The following SNTG1 variants were observed in gnomAD, a reference collection of about 807,000 sequenced individuals.
SNTG1 encodes gamma-1-syntrophin.
A neutral mutation model predicts 74.7 loss-of-function variants in SNTG1; 39 were observed. The ratio of observed to expected loss-of-function variants is 0.52; its 90% CI spans 0.40 to 0.68. SNTG1 has a LOEUF of 0.68. Among genes scored for constraint, SNTG1 ranks in the 30% least tolerant of loss-of-function variants. The pLI is 0.00. For synonymous variants in SNTG1, 254 were observed against 217.1 expected, an observed-to-expected ratio of 1.17 and a Z score of -1.49; for missense variants, 685 against 609.5, an observed-to-expected ratio of 1.12 and a Z score of -1.30.
At chr8:50,385,394 A>G (rs2092558293) in intron 2 of SNTG1, among the ~76,000 whole-genome samples, 1 of 152,224 alleles carries the variant, frequency 6.6e-6, no homozygotes, top group African/African-American at 2.4e-5. Context: ...TTAGAAGGGT[A>G]TCTCAACTGA....
chr8:50,040,982 C>T (rs910530178), intron 1 of SNTG1, among the ~76,000 whole-genome samples: 9 of 152,060 alleles, frequency 5.9e-5, no homozygotes, highest in African/African-American at 1.4e-4. Context: ...CTGCAACCCC[C>T]GCCTCCCAGG....
chr8:49,973,528 A>T (rs924388971), intron 1 of SNTG1, among the ~76,000 whole-genome samples: 4 of 152,090 alleles, frequency 2.6e-5, no homozygotes, highest in African/African-American at 9.7e-5. Flanking sequence ...AAAAAAAAAA[A>T]AGAAAAGAGT....
chr8:50,455,912 G>A, intron 8 of SNTG1, among the ~76,000 whole-genome samples: 1 of 152,132 alleles, frequency 6.6e-6, no homozygotes, highest in East Asian at 1.9e-4. Context: ...ACTGCCTTAA[G>A]AATTCTAACC....
At chr8:50,557,532 C>A (rs529905438) in intron 12 of SNTG1, among the ~76,000 whole-genome samples, 1 of 152,304 alleles carries the variant, frequency 6.6e-6, no homozygotes, top group Non-Finnish European at 1.5e-5. Context: ...GAAGCCTTGT[C>A]TCTTCCAGCC....
intron 18 of SNTG1, among the ~76,000 whole-genome samples, chr8:50,756,148 T>C (rs917715387): frequency 6.6e-6 from 1 of 151,900 alleles, no homozygotes; most frequent in African/African-American, 2.4e-5. Context: ...ATATTTTCCT[T>C]AGCATCTTTT....
At chr8:50,398,229 A>G (rs947884574) in intron 3 of SNTG1, among the ~76,000 whole-genome samples, 2 of 152,246 alleles carry the variant, frequency 1.3e-5, no homozygotes, top group Non-Finnish European at 2.9e-5. Flanking sequence ...AACACATAAC[A>G]GTGAACATAT....
intron 1 of SNTG1, among the ~76,000 whole-genome samples, chr8:50,101,776 T>C (rs1474290197): frequency 2.6e-5 from 4 of 152,006 alleles, no homozygotes. Flanking sequence ...TTCTCATTGT[T>C]CAATTCCCAC....
At chr8:50,213,098 T>C (rs193040903) in intron 2 of SNTG1, among the ~76,000 whole-genome samples, 4 of 152,220 alleles carry the variant, frequency 2.6e-5, no homozygotes, top group Non-Finnish European at 5.9e-5. Flanking sequence ...ATCTTCCCTA[T>C]GAAAGAGTAG....
chr8:50,328,266 C>T (rs2090830397), intron 2 of SNTG1, among the ~76,000 whole-genome samples: 2 of 152,128 alleles, frequency 1.3e-5, no homozygotes, highest in South Asian at 4.1e-4. Flanking sequence ...AAAATTTTAG[C>T]TTTCACTTTT....
chr8:50,662,657 G>GA (rs1418016657), intron 15 of SNTG1, among the ~76,000 whole-genome samples: 5 of 152,118 alleles, frequency 3.3e-5, no homozygotes, highest in Non-Finnish European at 7.4e-5. Context: ...GATAATTTGG[G>GA]AAAAAAGATG....
At chr8:50,487,509 T>A (rs2093807469) in intron 8 of SNTG1, among the ~76,000 whole-genome samples, 1 of 152,136 alleles carries the variant, frequency 6.6e-6, no homozygotes, top group Non-Finnish European at 1.5e-5. Flanking sequence ...TATGCAGCCA[T>A]AAAAAATGAT....
At chr8:50,126,696 A>G (rs1207047119) in intron 1 of SNTG1, among the ~76,000 whole-genome samples, 1 of 152,084 alleles carries the variant, frequency 6.6e-6, no homozygotes, top group African/African-American at 2.4e-5. Flanking sequence ...TCAAGATCAT[A>G]TTGTAGAGGA....
At chr8:50,565,527 T>C (rs1415693058) in intron 12 of SNTG1, among the ~76,000 whole-genome samples, 1 of 152,092 alleles carries the variant, frequency 6.6e-6, no homozygotes, top group Non-Finnish European at 1.5e-5. Context: ...ATATGTATAA[T>C]TAAGTTAACC....
At chr8:50,210,034 T>G (rs1191850709) in intron 2 of SNTG1, among the ~76,000 whole-genome samples, 1 of 152,152 alleles carries the variant, frequency 6.6e-6, no homozygotes, top group Non-Finnish European at 1.5e-5. Flanking sequence ...AGACCTTAAA[T>G]GAACTCATGG....
At chr8:50,199,747 C>G (rs945533014) in intron 2 of SNTG1, among the ~76,000 whole-genome samples, 8 of 152,094 alleles carry the variant, frequency 5.3e-5, no homozygotes, top group Non-Finnish European at 1.0e-4. Flanking sequence ...ATGTAGGGTG[C>G]GAGTCAGCCA....
intron 4 of SNTG1, among the ~76,000 whole-genome samples, chr8:50,434,660 T>C (rs2093281404): frequency 6.6e-6 from 1 of 152,194 alleles, no homozygotes; most frequent in Non-Finnish European, 1.5e-5. Flanking sequence ...CATTTATTCA[T>C]GTGTCTGTTG....
intron 1 of SNTG1, among the ~76,000 whole-genome samples, chr8:50,128,092 T>G (rs2081203250): frequency 6.6e-6 from 1 of 152,170 alleles, no homozygotes. Context: ...ATTAAGTTTC[T>G]AATGTAGCAC....
intron 1 of SNTG1, among the ~76,000 whole-genome samples, chr8:50,052,065 T>C (rs1259168996): frequency 6.6e-6 from 1 of 152,014 alleles, no homozygotes; most frequent in Non-Finnish European, 1.5e-5. Context: ...GATGATAAAA[T>C]TCATATGCAA....
At chr8:50,108,661 C>G (rs933589439) in intron 1 of SNTG1, among the ~76,000 whole-genome samples, 1 of 152,086 alleles carries the variant, frequency 6.6e-6, no homozygotes, top group Admixed American at 6.6e-5. Flanking sequence ...TTTCTTGAAC[C>G]TAAAATATTT....
Sources: gnomAD v4.1 joint callset for allele counts (sites outside exome capture counted in the v4.1 genomes callset) on GRCh38, gnomAD v4.1.1 for gene constraint, MANE v1.5 for transcripts, NCBI Gene and HGNC (gene_info 2026-07-23, HGNC 2026-07-21) for gene names.